Variants in ATP10B observed in about 807,000 individuals in gnomAD.
The protein encoded by ATP10B is phospholipid-transporting ATPase VB.
In ATP10B, 122 loss-of-function variants were observed where a neutral mutation model predicts 141.2. That is an observed-to-expected ratio of 0.86 (90% CI 0.75 to 1.00). The LOEUF is 1.00. Among genes scored for constraint, ATP10B ranks in the 50% least tolerant of loss-of-function variants. The probability of loss-of-function intolerance (pLI) is 0.00; values close to 1 mark genes in which losing one functional copy is unlikely to be tolerated. For missense variants in ATP10B, 1,876 were observed against 1,825.3 expected, an observed-to-expected ratio of 1.03 and a Z score of -0.51; for synonymous variants, 685 against 692.0, an observed-to-expected ratio of 0.99 and a Z score of 0.16.
intron 1 of ATP10B, among the ~76,000 whole-genome samples, chr5:160,838,714 G>T (rs542773134): frequency 6.6e-6 from 1 of 152,088 alleles, no homozygotes; most frequent in Non-Finnish European, 1.5e-5. Flanking sequence ...AAATAAGAGG[G>T]TTAGGGACAT....
chr5:160,920,039 C>A, the ATP10B span, among the ~76,000 whole-genome samples: 1 of 152,156 alleles, frequency 6.6e-6, no homozygotes, highest in Non-Finnish European at 1.5e-5. Context: ...GAAAATTGTC[C>A]TCTGTACTGA....
intron 1 of ATP10B, among the ~76,000 whole-genome samples, chr5:160,804,107 CCATA>C (rs963716933): frequency 1.3e-5 from 2 of 152,052 alleles, no homozygotes; most frequent in South Asian, 2.1e-4. Context: ...ACCCTTGCAC[CCATA>C]CATAGAGATA....
At position 160,698,022 on chromosome 5, in the gene ATP10B, G is replaced by A. The variant is rs73314420; in HGVS notation, c.-204-9079C>T. 5.2e-3 allele frequency among the ~76,000 whole-genome samples: 788 copies of A among 152,260 alleles called. 8 individuals carry two copies. Among genetic ancestry groups the A allele is most frequent in the African/African-American group, 0.018 (727 of 41,540 alleles). On this transcript the variant is annotated intron_variant, in intron 3 of 25. Coordinates refer to ENST00000327245, the MANE Select transcript of ATP10B (RefSeq NM_025153.3). ...CCTGCCAAGTTCATTAGAGTTTAGA[G>A]TCTCACAAATTATCTTGCAAGCTAG...
chr5:160,682,165 T>C lies in ATP10B; in HGVS notation c.470+3914A>G, dbSNP rs551876486. ...CCAAACTTAGATATTAAAAAATATT[T>C]CCAAAGCCCAGTAAATGTAAAGCAA... is the stretch of plus-strand genomic sequence containing the variant. On this transcript the variant is annotated intron_variant, in intron 6 of 25. Transcript: ENST00000327245. Among the ~76,000 whole-genome samples the C allele has an allele frequency of 4.6e-5, 7 of 152,342 alleles. No individual in the cohort carries two copies. The East Asian group carries it at 1.3e-3, about 29-fold the overall frequency.
At position 160,636,226 on chromosome 5, in the gene ATP10B, G is replaced by A. The variant is rs781555445; in HGVS notation, c.1084C>T (p.Leu362Phe). ...DANGSFLPSA[L>F]GGFYMFLTMI... ...GTGAGGAACATGTAGAAGCCCCCAAGGGCACTGGGAAGGAAGCTGCCATTG... is the reference window on the plus strand; with the variant it reads ...GTGAGGAACATGTAGAAGCCCCCAAAGGCACTGGGAAGGAAGCTGCCATTG... The change falls in exon 11 of 26, where the codon CTT becomes TTT. Residue 362 changes from leucine (L) to phenylalanine (F), a missense_variant. Coordinates refer to ENST00000327245, the MANE Select transcript of ATP10B (RefSeq NM_025153.3). The A allele has an allele frequency of 2.5e-6, 4 of 1,613,516 alleles. No individual in the cohort carries two copies. The South Asian group carries it at 3.3e-5, about 13-fold the overall frequency.
In ATP10B at chr5:160,636,273, G is replaced by T. The variant is rs751727693; in HGVS notation, c.1037C>A (p.Pro346His). 1 of 1,613,610 alleles carries T rather than the reference G, an allele frequency of 6.2e-7. No individual in the cohort carries two copies. Among genetic ancestry groups the T allele is most frequent in the South Asian group, 1.1e-5 (1 of 90,938 alleles). Residue 346 changes from proline (P) to histidine (H), a missense_variant, in exon 11 of 26, where the codon CCT (proline) becomes CAT (histidine). Coordinates refer to ENST00000327245, the MANE Select transcript of ATP10B (RefSeq NM_025153.3). ...ATTGGCATCTGGCACATCGAAGGGA[G>T]GGTGTTCTTCAAAGGTCCCATTCCA... Reference protein sequence around the residue: ...SIWNGTFEEHPPFDVPDANGS... With the variant: ...SIWNGTFEEHHPFDVPDANGS...
At chr5:160,705,929 T>C (rs1341156378) in intron 3 of ATP10B, among the ~76,000 whole-genome samples, 1 of 152,210 alleles carries the variant, frequency 6.6e-6, no homozygotes, top group East Asian at 1.9e-4. Context: ...CTCTTCCTTT[T>C]ACTTGAACAC....
chr5:160,771,663 C>G (rs904645816), intron 2 of ATP10B, among the ~76,000 whole-genome samples: 1 of 146,300 alleles, frequency 6.8e-6, no homozygotes, highest in Non-Finnish European at 1.5e-5. Flanking sequence ...GGTAAGAATA[C>G]CTAAATCTAC....
the ATP10B span, among the ~76,000 whole-genome samples, chr5:160,874,805 G>A: frequency 6.7e-6 from 1 of 149,876 alleles, no homozygotes; most frequent in Admixed American, 6.7e-5. Context: ...TGAAATGAAT[G>A]AAATGAAGTG....
chr5:160,691,238 G>C (rs935255441), intron 3 of ATP10B, among the ~76,000 whole-genome samples: 1 of 152,126 alleles, frequency 6.6e-6, no homozygotes, highest in African/African-American at 2.4e-5. Context: ...GATAGCATTA[G>C]AAGAAATACC....
intron 2 of ATP10B, among the ~76,000 whole-genome samples, chr5:160,779,432 C>T (rs762089161): frequency 1.3e-5 from 2 of 152,288 alleles, no homozygotes; most frequent in East Asian, 1.9e-4. Flanking sequence ...AACCACCTCT[C>T]TTACTCTTCT....
intron 21 of ATP10B, among the ~76,000 whole-genome samples, chr5:160,600,969 C>T (rs1428534064): frequency 3.3e-5 from 5 of 151,868 alleles, no homozygotes; most frequent in Admixed American, 2.0e-4. Context: ...GAAAGCGTGG[C>T]TGCTTGGAAA....
chr5:160,850,512 G>T (rs183045250), intron 1 of ATP10B, among the ~76,000 whole-genome samples: 1 of 152,238 alleles, frequency 6.6e-6, no homozygotes, highest in South Asian at 2.1e-4. Flanking sequence ...CAGTAATTCA[G>T]ACTTCATTTC....
intron 22 of ATP10B, among the ~76,000 whole-genome samples, chr5:160,597,980 G>T (rs1756831620): frequency 6.9e-6 from 1 of 144,168 alleles, no homozygotes; most frequent in Admixed American, 7.1e-5. Context: ...GTGGAAGTCA[G>T]TGTGGGGATT....
chr5:160,880,094 G>A, the ATP10B span, among the ~76,000 whole-genome samples: 2 of 148,236 alleles, frequency 1.3e-5, no homozygotes. Flanking sequence ...TCATCTATGT[G>A]AGAAACTATT....
At chr5:160,753,127 T>G (rs1768277714) in intron 2 of ATP10B, among the ~76,000 whole-genome samples, 1 of 152,200 alleles carries the variant, frequency 6.6e-6, no homozygotes, top group Non-Finnish European at 1.5e-5. Context: ...AATCATTGAT[T>G]CAAAAAGTTT....
chr5:160,602,562 C>T lies in ATP10B; in HGVS notation c.3363+15G>A, dbSNP rs1383461491. ...TGCCAAAGCCCTGGGTGAGAGGACG[C>T]CATAGGCTACTTACCACGTTCTTGT... On this transcript the variant is annotated intron_variant, in intron 21 of 25. Transcript: ENST00000327245. 1.9e-6 allele frequency: 3 copies of T among 1,613,342 alleles called. No homozygotes were observed. Among genetic ancestry groups the T allele is most frequent in the African/African-American group, 2.7e-5 (2 of 74,938 alleles).
At chr5:160,828,520 C>T (rs932851097) in intron 1 of ATP10B, among the ~76,000 whole-genome samples, 1 of 151,914 alleles carries the variant, frequency 6.6e-6, no homozygotes, top group African/African-American at 2.4e-5. Context: ...CCATCTCACA[C>T]CAGTTAGAAT....
chr5:160,606,869 G>T lies in ATP10B; in HGVS notation c.3056C>A (p.Thr1019Asn), dbSNP rs188942338. The T allele has an allele frequency of 1.9e-6, 3 of 1,614,150 alleles. No homozygotes were observed. Among genetic ancestry groups the T allele is most frequent in the South Asian group, 2.2e-5 (2 of 91,072 alleles). The change falls in exon 19 of 26, where the codon ACC (threonine) becomes AAC (asparagine). Residue 1019 changes from threonine to asparagine, a missense_variant. Transcript: ENST00000327245. Reference sequence around the variant, plus strand: ...GCACAGGACGGACCGACAATACTGGGTCAATTCCAGAAACTTCTTCTCTAG... The same window carrying T: ...GCACAGGACGGACCGACAATACTGGTTCAATTCCAGAAACTTCTTCTCTAG... ...GKLEKKFLEL[T>N]QYCRSVLCCR...
Sources: allele counts gnomAD v4.1 joint callset (sites outside exome capture counted in the v4.1 genomes callset), GRCh38; gene constraint gnomAD v4.1.1; transcripts MANE v1.5; gene names NCBI Gene and HGNC (gene_info 2026-07-23, HGNC 2026-07-21).